The following ACYP1 variants were observed in gnomAD, a reference collection of about 807,000 sequenced individuals.
ACYP1 encodes acylphosphatase-1.
ACYP1 carries 8 observed loss-of-function variants against 10.4 expected under a neutral mutation model. The observed-to-expected ratio is 0.77, with a 90% CI of 0.45 to 1.38. The LOEUF (loss-of-function observed/expected upper bound fraction) is 1.38. Ranked by LOEUF, ACYP1 falls within the 40% of genes most tolerant of loss-of-function variation. ACYP1 has a pLI of 0.00. For synonymous variants in ACYP1, 38 were observed against 40.8 expected, an observed-to-expected ratio of 0.93 and a Z score of 0.26; for missense variants, 93 against 117.3, an observed-to-expected ratio of 0.79 and a Z score of 0.96.
At chr14:75,059,196 AAAG>A (rs1321202598) in intron 2 of ACYP1, among the ~76,000 whole-genome samples, 1 of 149,816 alleles carries the variant, frequency 6.7e-6, no homozygotes, top group Non-Finnish European at 1.5e-5. Context: ...AAAAAAAAAA[AAAG>A]GAAAAGAAAA....
chr14:75,064,324 T>C (rs1893106247), upstream of ACYP1: 1 of 152,202 alleles, frequency 6.6e-6, no homozygotes, highest in Non-Finnish European at 1.5e-5. Context: ...ATTCAATCAT[T>C]CAATTAAATA....
chr14:75,053,538 C>CT lies in ACYP1; in HGVS notation c.205dup (p.Arg69LysfsTer5). On this transcript the variant is annotated frameshift_variant, in exon 3 of 3. Transcript: ENST00000238618. LOFTEE classifies it high-confidence loss of function. ...GTCGATGTGTGATTTAGGACTTCCT[C>CT]TTGTTTCAAGCCATTCCTGCATATG... 1 of 1,614,174 alleles carries CT rather than the reference C, an allele frequency of 6.2e-7. No individual in the cohort carries two copies. The highest frequency in any genetic ancestry group is 1.1e-5 in the South Asian group (1 of 91,076).
chr14:75,065,546 T>TTA (rs1893128156), upstream of ACYP1, among the ~76,000 whole-genome samples: 1 of 152,202 alleles, frequency 6.6e-6, no homozygotes, highest in Non-Finnish European at 1.5e-5. Context: ...AATTCAAAAC[T>TTA]TACTGAGTGT....
chr14:75,068,538 G>C (rs1339805024), upstream of ACYP1, among the ~76,000 whole-genome samples: 1 of 151,794 alleles, frequency 6.6e-6, no homozygotes, highest in African/African-American at 2.4e-5. Context: ...GAGAGAGGGA[G>C]AGGAGGAAGA....
chr14:75,054,788 A>G (rs148570679), intron 2 of ACYP1, among the ~76,000 whole-genome samples: 1 of 151,708 alleles, frequency 6.6e-6, no homozygotes, highest in Non-Finnish European at 1.5e-5. Context: ...AAAGGAAATT[A>G]AGGAATGAAG....
intron 2 of ACYP1, among the ~76,000 whole-genome samples, chr14:75,062,121 A>AAAAAAAAG (rs1893036618): frequency 6.8e-6 from 1 of 147,182 alleles, no homozygotes; most frequent in Non-Finnish European, 1.5e-5. Flanking sequence ...AAAAAAAAAA[A>AAAAAAAAG]AAAGAAAAGA....
intron 2 of ACYP1, chr14:75,061,565 G>A: frequency 2.0e-6 from 1 of 488,710 alleles, no homozygotes; most frequent in Non-Finnish European, 3.5e-6. Flanking sequence ...TTTAAACTGG[G>A]GAGAGGGGCA....
At chr14:75,054,944 C>T (rs1055212869) in intron 2 of ACYP1, among the ~76,000 whole-genome samples, 1 of 151,318 alleles carries the variant, frequency 6.6e-6, no homozygotes, top group Non-Finnish European at 1.5e-5. Flanking sequence ...TCAAATTAAC[C>T]CAGGGGAGCT....
intron 2 of ACYP1, among the ~76,000 whole-genome samples, chr14:75,059,687 T>A (rs750287122): frequency 6.6e-6 from 1 of 152,136 alleles, no homozygotes; most frequent in Non-Finnish European, 1.5e-5. Context: ...AATAAGCACA[T>A]GAAAAGATGC....
At chr14:75,063,336 T>A (rs1464386749) in intron 2 of ACYP1, 134 bp downstream of exon 2, 1 of 690,768 alleles carries the variant, frequency 1.4e-6, no homozygotes, top group South Asian at 1.6e-5. Flanking sequence ...TCATACTCAT[T>A]GCTCTACAAA....
chr14:75,063,381 C>A, intron 2 of ACYP1, 89 bp downstream of exon 2: 4 of 1,046,726 alleles, frequency 3.8e-6, no homozygotes, highest in South Asian at 1.3e-5. Context: ...AAATAGCCAG[C>A]GGCTTCTAGT....
upstream of ACYP1, among the ~76,000 whole-genome samples, chr14:75,066,092 CAG>C (rs1893138184): frequency 6.6e-6 from 1 of 152,204 alleles, no homozygotes; most frequent in South Asian, 2.1e-4. Flanking sequence ...TCTTAACACA[CAG>C]TCAGGGATGA....
intron 2 of ACYP1, among the ~76,000 whole-genome samples, chr14:75,057,412 T>C (rs1892902312): frequency 6.6e-6 from 1 of 151,592 alleles, no homozygotes; most frequent in African/African-American, 2.4e-5. Flanking sequence ...ATTGTTAAGA[T>C]GATATTACTA....
At chr14:75,068,942 AG>A (rs1418232004), upstream of ACYP1, among the ~76,000 whole-genome samples, 1 of 152,222 alleles carries the variant, frequency 6.6e-6, no homozygotes, top group Admixed American at 6.5e-5. Context: ...GATGTCAACA[AG>A]ATAGAGTATC....
chr14:75,065,946 T>A (rs1175335100), upstream of ACYP1, among the ~76,000 whole-genome samples: 1 of 152,208 alleles, frequency 6.6e-6, no homozygotes, highest in East Asian at 1.9e-4. Context: ...TGTAGTACCA[T>A]GGAGATGAAG....
intron 2 of ACYP1, among the ~76,000 whole-genome samples, chr14:75,061,385 T>C (rs1893011829): frequency 6.6e-6 from 1 of 152,192 alleles, no homozygotes; most frequent in Non-Finnish European, 1.5e-5. Context: ...AGAGGCTAGA[T>C]AATATCAACA....
chr14:75,069,097 A>T, intron 1 of ACYP1: 1 of 1,066,962 alleles, frequency 9.4e-7, no homozygotes, highest in Non-Finnish European at 1.3e-6. Flanking sequence ...ATATCAAAAT[A>T]ATTAGATTGG....
At chr14:75,066,544 AGAGTCAT>A (rs1893145155), upstream of ACYP1, among the ~76,000 whole-genome samples, 1 of 152,184 alleles carries the variant, frequency 6.6e-6, no homozygotes, top group Non-Finnish European at 1.5e-5. Context: ...ATGTAAAGGA[AGAGTCAT>A]ATATGAGAGA....
intron 1 of ACYP1, 66 bp downstream of exon 1, chr14:75,063,888 C>T: frequency 5.0e-6 from 5 of 1,006,040 alleles, no homozygotes; most frequent in Non-Finnish European, 6.0e-6. Flanking sequence ...CCCAGAATCC[C>T]CTGCTACTAA....
Sources: allele counts gnomAD v4.1 joint callset (sites outside exome capture counted in the v4.1 genomes callset), GRCh38; gene constraint gnomAD v4.1.1; transcripts MANE v1.5; gene names NCBI Gene and HGNC (gene_info 2026-07-23, HGNC 2026-07-21).